The following WDFY1 variants were observed in gnomAD, a reference collection of about 807,000 sequenced individuals.
WDFY1 encodes the protein WD repeat and FYVE domain-containing protein 1.
In WDFY1, 32 loss-of-function variants were observed where a neutral mutation model predicts 56.4. The ratio of observed to expected loss-of-function variants is 0.57; its 90% CI spans 0.43 to 0.76. The LOEUF (loss-of-function observed/expected upper bound fraction) is 0.76, where lower values mean the gene tolerates loss of function less well. WDFY1 is among the 30% of genes least tolerant of loss of function. WDFY1 has a pLI of 0.00. For synonymous variants in WDFY1, 192 were observed against 197.3 expected, an observed-to-expected ratio of 0.97 and a Z score of 0.23; for missense variants, 480 against 545.7, an observed-to-expected ratio of 0.88 and a Z score of 1.20.
chr2:223,887,467 C>A (rs1043138118), intron 8 of WDFY1, among the ~76,000 whole-genome samples: 1 of 152,180 alleles, frequency 6.6e-6, no homozygotes, highest in Non-Finnish European at 1.5e-5. Context: ...AAAGTTTGTT[C>A]CCGTTTATAC....
intron 3 of WDFY1, among the ~76,000 whole-genome samples, chr2:223,911,944 G>A (rs1693711296): frequency 6.6e-6 from 1 of 151,700 alleles, no homozygotes; most frequent in Admixed American, 6.6e-5. Flanking sequence ...AGTCTCCTAA[G>A]CAGCTGGGAC....
intron 5 of WDFY1, among the ~76,000 whole-genome samples, chr2:223,900,052 A>C (rs1038535514): frequency 1.3e-5 from 2 of 152,180 alleles, no homozygotes; most frequent in Non-Finnish European, 2.9e-5. Context: ...TACTTTCTCG[A>C]TTTGTGGTCA....
At chr2:223,898,131 A>C (rs528685495) in intron 6 of WDFY1, among the ~76,000 whole-genome samples, 1 of 152,258 alleles carries the variant, frequency 6.6e-6, no homozygotes, top group East Asian at 1.9e-4. Flanking sequence ...TGGACTTTAA[A>C]AACCCCTCCA....
rs999264931 is a variant in WDFY1 at position 223,933,728 on chromosome 2, T to C, written c.137+11420A>G. 2.9e-4 allele frequency among the ~76,000 whole-genome samples: 44 copies of C among 151,604 alleles called. 1 individual carries two copies. Among genetic ancestry groups the C allele is most frequent in the African/African-American group, 1.0e-3 (43 of 41,242 alleles). ...TCCCAGCTACTTGGCAGACTGAGGC[T>C]GGAGGATCACTTGAGCCCACGAGTT... On this transcript the variant is annotated intron_variant, in intron 1 of 11. Transcript: ENST00000233055.
chr2:223,906,244 G>A (rs2106085409), intron 3 of WDFY1, among the ~76,000 whole-genome samples: 1 of 152,268 alleles, frequency 6.6e-6, no homozygotes, highest in East Asian at 1.9e-4. Flanking sequence ...TGGGATTTGT[G>A]TCCACTTCTT....
intron 2 of WDFY1, among the ~76,000 whole-genome samples, chr2:223,913,374 A>G (rs1274535911): frequency 6.6e-6 from 1 of 152,200 alleles, no homozygotes; most frequent in Non-Finnish European, 1.5e-5. Context: ...AGCTAACTGC[A>G]TGATCAGACC....
intron 8 of WDFY1, among the ~76,000 whole-genome samples, chr2:223,886,149 G>A (rs1029023282): frequency 6.6e-6 from 1 of 151,834 alleles, no homozygotes; most frequent in South Asian, 2.1e-4. Context: ...TTCAAGCCTG[G>A]CCAACACGGT....
At chr2:223,897,404 A>T (rs2106080089) in intron 6 of WDFY1, among the ~76,000 whole-genome samples, 1 of 88,632 alleles carries the variant, frequency 1.1e-5, no homozygotes, top group Non-Finnish European at 2.3e-5. Context: ...TTTAAGACGG[A>T]GTCTCTCTCT....
chr2:223,926,615 A>T (rs1368497311), intron 1 of WDFY1, among the ~76,000 whole-genome samples: 1 of 151,646 alleles, frequency 6.6e-6, no homozygotes, highest in Non-Finnish European at 1.5e-5. Context: ...ATTTACATAT[A>T]TATGTGTGTG....
chr2:223,927,523 A>G (rs1383391201), intron 1 of WDFY1, among the ~76,000 whole-genome samples: 1 of 152,162 alleles, frequency 6.6e-6, no homozygotes, highest in Non-Finnish European at 1.5e-5. Flanking sequence ...GCTTCATAAA[A>G]TCGAAGAGGA....
chr2:223,886,572 A>G (rs1434427092), intron 8 of WDFY1, among the ~76,000 whole-genome samples: 1 of 151,960 alleles, frequency 6.6e-6, no homozygotes, highest in East Asian at 1.9e-4. Flanking sequence ...TAAAAACACA[A>G]AATTAGCCAG....
chr2:223,922,492 C>T (rs1337974602), intron 1 of WDFY1, among the ~76,000 whole-genome samples: 1 of 152,224 alleles, frequency 6.6e-6, no homozygotes, highest in Admixed American at 6.5e-5. Context: ...AAGGCCAAGG[C>T]ACCTGGAGAT....
intron 6 of WDFY1, 74 bp downstream of exon 6, chr2:223,898,884 A>G: frequency 9.0e-7 from 1 of 1,111,864 alleles, no homozygotes; most frequent in Non-Finnish European, 1.4e-6. Flanking sequence ...GCATTCATGA[A>G]TCCACATAGT....
chr2:223,902,628 A>C (rs576478686), intron 4 of WDFY1, among the ~76,000 whole-genome samples: 1 of 152,158 alleles, frequency 6.6e-6, no homozygotes, highest in Non-Finnish European at 1.5e-5. Context: ...ATATCTCATA[A>C]GATCTGTCTC....
Position 223,938,071 on chromosome 2 carries a change from A to T in WDFY1, c.137+7077T>A, listed in dbSNP as rs77582096. ...AAAGGAAAATGCTAAAAAACATCTA[A>T]AAGTTGGTTTTCTGTAATCTTTACT... is the stretch of plus-strand genomic sequence containing the variant. On this transcript the variant is annotated intron_variant, in intron 1 of 11. Coordinates refer to ENST00000233055, the MANE Select transcript of WDFY1 (RefSeq NM_020830.5). 1.3e-3 allele frequency among the ~76,000 whole-genome samples: 195 copies of T among 152,252 alleles called. 8 individuals carry two copies. The East Asian group carries it at 0.035, about 27-fold the overall frequency.
At chr2:223,894,724 T>C (rs1398889938) in intron 7 of WDFY1, among the ~76,000 whole-genome samples, 1 of 151,368 alleles carries the variant, frequency 6.6e-6, no homozygotes, top group Non-Finnish European at 1.5e-5. Flanking sequence ...GAACAAGGAG[T>C]CAAACACCAC....
intron 1 of WDFY1, among the ~76,000 whole-genome samples, chr2:223,934,758 T>A (rs1694141208): frequency 6.6e-6 from 1 of 152,160 alleles, no homozygotes; most frequent in Non-Finnish European, 1.5e-5. Context: ...TGACCTCAGG[T>A]GATCCACCTG....
At chr2:223,906,979 T>TATTATTATC (rs1693607145) in intron 3 of WDFY1, among the ~76,000 whole-genome samples, 1 of 150,766 alleles carries the variant, frequency 6.6e-6, no homozygotes, top group African/African-American at 2.4e-5. Context: ...TTATTATTAT[T>TATTATTATC]ATTATATTAT....
chr2:223,904,018 G>C (rs996931588), intron 4 of WDFY1, among the ~76,000 whole-genome samples: 1 of 152,094 alleles, frequency 6.6e-6, no homozygotes, highest in African/African-American at 2.4e-5. Flanking sequence ...CAAACTCGTA[G>C]GTATATACCT....
Sources: gnomAD v4.1 joint callset for allele counts (sites outside exome capture counted in the v4.1 genomes callset) on GRCh38, gnomAD v4.1.1 for gene constraint, MANE v1.5 for transcripts, NCBI Gene and HGNC (gene_info 2026-07-23, HGNC 2026-07-21) for gene names.